Variants in APLP2 observed in about 807,000 individuals in gnomAD.
APLP2 encodes the protein amyloid beta precursor like protein 2, also known as CDEI box-binding protein.
APLP2 carries 53 observed loss-of-function variants against 89.9 expected under a neutral mutation model. The observed-to-expected ratio is 0.59, with a 90% CI of 0.47 to 0.74. The LOEUF is 0.74. Among genes scored for constraint, APLP2 ranks in the 30% least tolerant of loss-of-function variants. APLP2 has a pLI of 0.00. For missense variants in APLP2, 973 were observed against 975.9 expected (o/e 1.00, Z 0.04); for synonymous variants, 372 against 348.6 (o/e 1.07, Z -0.75).
intron 3 of APLP2, among the ~76,000 whole-genome samples, chr11:130,114,652 C>T (rs1033304336): frequency 6.6e-6 from 1 of 152,198 alleles, no homozygotes; most frequent in African/African-American, 2.4e-5. Flanking sequence ...CCCTACTCCA[C>T]TCCTGGAGTC....
intron 3 of APLP2, among the ~76,000 whole-genome samples, chr11:130,117,988 A>C (rs1369482859): frequency 6.6e-6 from 1 of 152,048 alleles, no homozygotes; most frequent in Non-Finnish European, 1.5e-5. Context: ...GAGGCAGGAG[A>C]ATCACTTGAA....
intron 7 of APLP2, 140 bp from the exon 8 acceptor site, chr11:130,126,560 C>G: frequency 1.1e-6 from 1 of 951,570 alleles, no homozygotes; most frequent in Non-Finnish European, 1.6e-6. Context: ...CAAGTGAAGT[C>G]TTGGCAGATA....
chr11:130,088,260 C>T (rs779572750), intron 1 of APLP2, among the ~76,000 whole-genome samples: 1 of 152,060 alleles, frequency 6.6e-6, no homozygotes, highest in African/African-American at 2.4e-5. Flanking sequence ...TTTGATTGTT[C>T]CAGGGGGGAA....
At chr11:130,088,013 A>G (rs1944380038) in intron 1 of APLP2, among the ~76,000 whole-genome samples, 1 of 152,214 alleles carries the variant, frequency 6.6e-6, no homozygotes, top group Non-Finnish European at 1.5e-5. Flanking sequence ...CAGAGCACAG[A>G]CTCAAGCCTG....
chr11:130,122,291 A>G lies in APLP2; in HGVS notation c.714-14A>G, dbSNP rs376526065. On this transcript the variant is annotated splice_polypyrimidine_tract_variant and intron_variant, in intron 5 of 16. Coordinates refer to ENST00000338167, the MANE Select transcript of APLP2 (RefSeq NM_001142276.2). ...GAGCTATTAACCTTCCTTTTTTTCT[A>G]TTTTGGCCTTCAGTGAATTTCCTAC... The G allele has an allele frequency of 6.2e-6, 10 of 1,609,722 alleles. No individual in the cohort carries two copies. Among genetic ancestry groups the G allele is most frequent in the East Asian group, 2.2e-5 (1 of 44,854 alleles).
intron 1 of APLP2, among the ~76,000 whole-genome samples, chr11:130,103,674 T>A (rs1269775960): frequency 6.6e-6 from 1 of 152,230 alleles, no homozygotes; most frequent in Non-Finnish European, 1.5e-5. Flanking sequence ...TAAATGGCTT[T>A]TTACGATGAA....
At chr11:130,130,199 AG>A (rs748224341) in intron 11 of APLP2, 33 bp downstream of exon 11, 2 of 1,614,172 alleles carry the variant, frequency 1.2e-6, no homozygotes, top group South Asian at 2.2e-5. Flanking sequence ...TGCTGCCGTG[AG>A]GGCATTTCCA....
intron 3 of APLP2, among the ~76,000 whole-genome samples, chr11:130,119,133 C>T (rs1949538320): frequency 6.6e-6 from 1 of 152,186 alleles, no homozygotes. Context: ...ACTAGCTGGG[C>T]CCTAAGCCCT....
rs377739435 is a variant in APLP2 at position 130,104,695 on chromosome 11, A to G, written c.106-4734A>G. 2.4e-4 allele frequency among the ~76,000 whole-genome samples: 37 copies of G among 152,276 alleles called. No individual in the cohort carries two copies. In the East Asian group the frequency reaches 5.4e-3, roughly 22 times the overall value. On this transcript the variant is annotated intron_variant, in intron 1 of 16. Transcript: ENST00000338167. ...CCTTCTTTGGGGGAAGCAGGAACTC[A>G]TATTAGTCTGTAGCTTCACGTGCAT...
intron 16 of APLP2, among the ~76,000 whole-genome samples, chr11:130,142,877 T>C (rs1186279011): frequency 6.6e-6 from 1 of 152,192 alleles, no homozygotes; most frequent in Non-Finnish European, 1.5e-5. Flanking sequence ...CCTCCCAAAG[T>C]GCTGGGATTA....
intron 12 of APLP2, among the ~76,000 whole-genome samples, chr11:130,134,505 G>A (rs1951319537): frequency 6.6e-6 from 1 of 152,222 alleles, no homozygotes; most frequent in African/African-American, 2.4e-5. Context: ...AGAAATTTCA[G>A]CAAAATCAAG....
At chr11:130,089,766 G>C (rs1364752882) in intron 1 of APLP2, among the ~76,000 whole-genome samples, 1 of 152,234 alleles carries the variant, frequency 6.6e-6, no homozygotes. Flanking sequence ...CCTGTTCCAG[G>C]CCTCGCTCTT....
At chr11:130,110,276 C>T (rs1248321175) in intron 2 of APLP2, among the ~76,000 whole-genome samples, 7 of 152,216 alleles carry the variant, frequency 4.6e-5, no homozygotes, top group African/African-American at 9.6e-5. Context: ...GGGCTAAAAG[C>T]GTGCTGCTTT....
intron 1 of APLP2, among the ~76,000 whole-genome samples, chr11:130,088,849 C>T (rs111238750): frequency 1.5e-4 from 23 of 151,890 alleles, no homozygotes; most frequent in Non-Finnish European, 2.6e-4. Context: ...ACAGTCTCCC[C>T]CAGGTGGTTC....
chr11:130,100,806 G>A (rs1946808958), intron 1 of APLP2, among the ~76,000 whole-genome samples: 1 of 152,166 alleles, frequency 6.6e-6, no homozygotes, highest in African/African-American at 2.4e-5. Flanking sequence ...CCTACACCCA[G>A]TTCACCAGTT....
intron 3 of APLP2, chr11:130,114,386 G>A (rs1948943321): frequency 6.6e-6 from 1 of 152,110 alleles, no homozygotes; most frequent in South Asian, 2.1e-4. Flanking sequence ...TGATCCTTTT[G>A]ATTTATTCAT....
intron 12 of APLP2, among the ~76,000 whole-genome samples, chr11:130,135,233 G>A (rs978336628): frequency 6.6e-6 from 1 of 152,134 alleles, no homozygotes; most frequent in Non-Finnish European, 1.5e-5. Flanking sequence ...GGTGATGTGT[G>A]TGTTTGCTTG....
chr11:130,091,273 C>A (rs1945078103), intron 1 of APLP2, among the ~76,000 whole-genome samples: 3 of 113,736 alleles, frequency 2.6e-5, no homozygotes, highest in African/African-American at 4.6e-5. Flanking sequence ...GGGGGGCTGA[C>A]CCCCCCACCT....
rs1950034064 is a variant in APLP2, at chr11:130,123,347, C to T, written c.923-265C>T. ...TCGCAGCTGTGAGACAAAGGAATTG[C>T]TCTACGTCAATCTAAACTCAGATCT... On this transcript the variant is annotated intron_variant, in intron 6 of 16. Coordinates refer to ENST00000338167, the MANE Select transcript of APLP2 (RefSeq NM_001142276.2). The surrounding 1 kb of genome is among the most constrained non-coding windows in gnomAD (Gnocchi z 4.0). Among the ~76,000 whole-genome samples the T allele has an allele frequency of 6.6e-6, 1 of 152,204 alleles. No individual in the cohort carries two copies. The highest frequency in any genetic ancestry group is 2.4e-5 in the African/African-American group (1 of 41,458).
Sources: allele counts gnomAD v4.1 joint callset (sites outside exome capture counted in the v4.1 genomes callset), GRCh38; gene constraint gnomAD v4.1.1; non-coding constraint Gnocchi (gnomAD v3.1); transcripts MANE v1.5; gene names NCBI Gene and HGNC (gene_info 2026-07-23, HGNC 2026-07-21).